The following ZMAT4 variants were observed in gnomAD, a reference collection of about 807,000 sequenced individuals.
The protein encoded by ZMAT4 is zinc finger matrin-type protein 4.
In ZMAT4, 17 loss-of-function variants were observed where a neutral mutation model predicts 28.7. That is an observed-to-expected ratio of 0.59 (90% CI 0.41 to 0.89). ZMAT4 has a LOEUF of 0.89. Among genes scored for constraint, ZMAT4 ranks in the 40% least tolerant of loss-of-function variants. The pLI, the probability that ZMAT4 is intolerant of heterozygous loss-of-function variation, is 0.00. For synonymous variants in ZMAT4, 117 were observed against 109.2 expected (o/e 1.07, Z -0.44); for missense variants, 240 against 283.8 (o/e 0.85, Z 1.11).
chr8:40,627,629 T>A (rs2118712584), intron 5 of ZMAT4, among the ~76,000 whole-genome samples: 1 of 152,352 alleles, frequency 6.6e-6, no homozygotes, highest in South Asian at 2.1e-4. Context: ...GGGAATACAA[T>A]TAAAACATCT....
chr8:40,854,856 C>T (rs1488862468), intron 1 of ZMAT4, among the ~76,000 whole-genome samples: 1 of 152,012 alleles, frequency 6.6e-6, no homozygotes, highest in East Asian at 1.9e-4. Context: ...TGCGAGATAC[C>T]CTAAAGGGCT....
At chr8:40,870,003 A>T (rs767061087) in intron 1 of ZMAT4, among the ~76,000 whole-genome samples, 2 of 152,178 alleles carry the variant, frequency 1.3e-5, no homozygotes, top group African/African-American at 2.4e-5. Context: ...AGACCAGAAT[A>T]TGCCACCCCA....
chr8:40,637,755 T>G (rs889913121), intron 5 of ZMAT4, among the ~76,000 whole-genome samples: 1 of 152,198 alleles, frequency 6.6e-6, no homozygotes, highest in African/African-American at 2.4e-5. Context: ...TGGACCCACC[T>G]TGCTACTAAG....
intron 6 of ZMAT4, among the ~76,000 whole-genome samples, chr8:40,556,696 C>T (rs536554171): frequency 1.1e-4 from 17 of 152,234 alleles, no homozygotes; most frequent in Non-Finnish European, 2.1e-4. Context: ...ATGTAGAATA[C>T]TTTAATTGAT....
At chr8:40,746,059 T>A (rs542890742) in intron 3 of ZMAT4, among the ~76,000 whole-genome samples, 2 of 152,182 alleles carry the variant, frequency 1.3e-5, no homozygotes, top group South Asian at 4.2e-4. Context: ...CGGCTCACTT[T>A]TCTTCTCTCC....
At chr8:40,889,631 C>T (rs929402901) in intron 1 of ZMAT4, among the ~76,000 whole-genome samples, 3 of 152,112 alleles carry the variant, frequency 2.0e-5, no homozygotes, top group Admixed American at 2.0e-4. Context: ...CAATTATACT[C>T]TATTTACTTT....
intron 2 of ZMAT4, among the ~76,000 whole-genome samples, chr8:40,799,155 C>CTGGCTGGATGGATGGA (rs61064515): frequency 3.4e-5 from 5 of 146,078 alleles, no homozygotes; most frequent in African/African-American, 1.3e-4. Context: ...GGCTGGCTGG[C>CTGGCTGGATGGATGGA]TGGATGGATG....
intron 6 of ZMAT4, among the ~76,000 whole-genome samples, chr8:40,561,625 C>T (rs2253138): frequency 0.65 from 98,414 of 151,966 alleles, 34,996 homozygotes; most frequent in Admixed American, 0.79. Context: ...CTCCAAGCAC[C>T]AGCATTAGAG....
chr8:40,664,856 C>A (rs1808341185), intron 5 of ZMAT4, among the ~76,000 whole-genome samples: 1 of 152,206 alleles, frequency 6.6e-6, no homozygotes, highest in Non-Finnish European at 1.5e-5. Context: ...GGTCTTGGAG[C>A]AGACCCACAG....
intron 5 of ZMAT4, among the ~76,000 whole-genome samples, chr8:40,611,629 C>T (rs889425972): frequency 3.3e-5 from 5 of 152,172 alleles, no homozygotes; most frequent in South Asian, 2.1e-4. Flanking sequence ...CGTGAGCCAT[C>T]GCACCCAGCC....
intron 3 of ZMAT4, among the ~76,000 whole-genome samples, chr8:40,716,301 G>A (rs1810852110): frequency 6.6e-6 from 1 of 152,162 alleles, no homozygotes; most frequent in Non-Finnish European, 1.5e-5. Context: ...ATGGGGAGGG[G>A]ATCAAGCCCT....
chr8:40,614,675 T>C (rs1805931550), intron 5 of ZMAT4, among the ~76,000 whole-genome samples: 2 of 152,226 alleles, frequency 1.3e-5, no homozygotes, highest in African/African-American at 2.4e-5. Context: ...TTTACCATTA[T>C]GTAATGGCCT....
chr8:40,796,153 C>T (rs186301008), intron 2 of ZMAT4, among the ~76,000 whole-genome samples: 1 of 152,156 alleles, frequency 6.6e-6, no homozygotes, highest in Non-Finnish European at 1.5e-5. Flanking sequence ...ATTTAACCGG[C>T]CTTGAAAGCC....
intron 3 of ZMAT4, among the ~76,000 whole-genome samples, chr8:40,762,900 T>C (rs1359173437): frequency 1.3e-5 from 2 of 152,172 alleles, no homozygotes; most frequent in Non-Finnish European, 2.9e-5. Context: ...CCTTAGGTAG[T>C]CAACAGTGCT....
At chr8:40,664,764 A>G (rs373714639) in intron 5 of ZMAT4, among the ~76,000 whole-genome samples, 3 of 152,350 alleles carry the variant, frequency 2.0e-5, no homozygotes, top group Middle Eastern at 6.8e-3. Context: ...TTGCACAGCA[A>G]TAGTTGCATT....
At chr8:40,599,374 A>C (rs1204756816) in intron 5 of ZMAT4, among the ~76,000 whole-genome samples, 1 of 151,034 alleles carries the variant, frequency 6.6e-6, no homozygotes, top group Non-Finnish European at 1.5e-5. Flanking sequence ...ATGTATACAC[A>C]GCACATATAT....
chr8:40,821,624 C>T (rs1815832864), intron 2 of ZMAT4, among the ~76,000 whole-genome samples: 1 of 152,080 alleles, frequency 6.6e-6, no homozygotes, highest in African/African-American at 2.4e-5. Flanking sequence ...GGCATTAACC[C>T]ATCTGTTTTG....
At chr8:40,688,615 C>A (rs1262496063) in intron 4 of ZMAT4, among the ~76,000 whole-genome samples, 1 of 151,996 alleles carries the variant, frequency 6.6e-6, no homozygotes, top group Non-Finnish European at 1.5e-5. Context: ...GAGTGCTCAA[C>A]AAACAATAGA....
chr8:40,583,056 C>T (rs529904968), intron 5 of ZMAT4, among the ~76,000 whole-genome samples: 1 of 152,268 alleles, frequency 6.6e-6, no homozygotes, highest in African/African-American at 2.4e-5. Flanking sequence ...TGGGTAGAGA[C>T]TTTCTTAAGA....
Sources: gnomAD v4.1 joint callset for allele counts (sites outside exome capture counted in the v4.1 genomes callset) on GRCh38, gnomAD v4.1.1 for gene constraint, MANE v1.5 for transcripts, NCBI Gene and HGNC (gene_info 2026-07-23, HGNC 2026-07-21) for gene names.